The following CBL variants were observed in gnomAD, a reference collection of about 807,000 sequenced individuals.
The protein encoded by CBL is Cbl proto-oncogene.
In CBL, 45 loss-of-function variants were observed where a neutral mutation model predicts 96.9. The observed-to-expected ratio is 0.46, with a 90% CI of 0.37 to 0.60. The LOEUF (loss-of-function observed/expected upper bound fraction) is 0.60. CBL is among the 20% of genes least tolerant of loss of function. The pLI, the probability that CBL is intolerant of heterozygous loss-of-function variation, is 0.00. For synonymous variants in CBL, 420 were observed against 426.8 expected, an observed-to-expected ratio of 0.98 and a Z score of 0.20; for missense variants, 1,024 against 1,143.5, an observed-to-expected ratio of 0.90 and a Z score of 1.51.
intron 2 of CBL, among the ~76,000 whole-genome samples, chr11:119,234,106 A>G (rs937562562): frequency 6.6e-6 from 1 of 152,138 alleles, no homozygotes; most frequent in Non-Finnish European, 1.5e-5. Context: ...TCTTGGGTTC[A>G]AGTGATTCTT....
chr11:119,259,813 G>A (rs187469692), intron 2 of CBL, among the ~76,000 whole-genome samples: 4 of 152,262 alleles, frequency 2.6e-5, no homozygotes, highest in Non-Finnish European at 5.9e-5. Context: ...TTTGGGACAT[G>A]GATTGTATTT....
intron 2 of CBL, among the ~76,000 whole-genome samples, chr11:119,264,105 A>G (rs1949776356): frequency 6.6e-6 from 1 of 152,230 alleles, no homozygotes; most frequent in East Asian, 1.9e-4. Context: ...TTTGTTAATC[A>G]TTGTATTAAA....
At chr11:119,258,065 A>G (rs967450481) in intron 2 of CBL, among the ~76,000 whole-genome samples, 10 of 152,090 alleles carry the variant, frequency 6.6e-5, no homozygotes, top group Non-Finnish European at 1.5e-4. Flanking sequence ...CCTGTCTACC[A>G]AAAATATGAA....
At chr11:119,232,121 TCAG>T (rs1949507184) in intron 1 of CBL, among the ~76,000 whole-genome samples, 1 of 152,108 alleles carries the variant, frequency 6.6e-6, no homozygotes. Context: ...ATTGTGGGGA[TCAG>T]CAGTATATTT....
At chr11:119,227,746 C>G (rs1949469942) in intron 1 of CBL, among the ~76,000 whole-genome samples, 1 of 152,092 alleles carries the variant, frequency 6.6e-6, no homozygotes, top group Non-Finnish European at 1.5e-5. Context: ...GACAGGATTT[C>G]TCCATGTTGG....
At chr11:119,266,096 T>G (rs964125461) in intron 2 of CBL, among the ~76,000 whole-genome samples, 4 of 151,282 alleles carry the variant, frequency 2.6e-5, no homozygotes, top group Admixed American at 2.0e-4. Context: ...TTCAGGAGGC[T>G]GAGGTGAGAG....
chr11:119,236,724 C>A (rs1244704195), intron 2 of CBL, among the ~76,000 whole-genome samples: 1 of 151,666 alleles, frequency 6.6e-6, no homozygotes, highest in South Asian at 2.1e-4. Flanking sequence ...TTTCTTTCCC[C>A]TAGCAATGTA....
intron 2 of CBL, among the ~76,000 whole-genome samples, chr11:119,266,018 C>CAAAAAAAAAAAA (rs398017759): frequency 2.0e-4 from 15 of 75,966 alleles, no homozygotes; most frequent in East Asian, 5.0e-4. Flanking sequence ...GACTCCATCT[C>CAAAAAAAAAAAA]AAAAAAAAAA....
chr11:119,234,844 C>T (rs1949530612), intron 2 of CBL, among the ~76,000 whole-genome samples: 1 of 152,106 alleles, frequency 6.6e-6, no homozygotes. Context: ...GCATAGAGGA[C>T]TTGTAATTTG....
chr11:119,266,643 C>G (rs771652886), intron 2 of CBL, among the ~76,000 whole-genome samples: 39 of 151,960 alleles, frequency 2.6e-4, no homozygotes, highest in Non-Finnish European at 1.0e-4. Flanking sequence ...AAAAAAGATA[C>G]TGCATACAGA....
chr11:119,302,496 G>T lies in CBL; in HGVS notation c.*2715G>T, dbSNP rs1471501279. On this transcript the variant is annotated 3_prime_UTR_variant, in exon 16 of 16. Coordinates refer to ENST00000264033, the MANE Select transcript of CBL (RefSeq NM_005188.4). ...CAGACTTCGAGTTTTGCCATTTTGGGCAAGCCCTTCCGCTTGTCCCTTCCT... is the reference window on the plus strand; with the variant it reads ...CAGACTTCGAGTTTTGCCATTTTGGTCAAGCCCTTCCGCTTGTCCCTTCCT... 2 of 232,654 alleles carry T rather than the reference G, an allele frequency of 8.6e-6. No individual in the cohort carries two copies. Among genetic ancestry groups the T allele is most frequent in the Non-Finnish European group, 1.7e-5 (2 of 117,788 alleles). The allele number at this position is 232,654 out of a possible 1,614,324, so 14.4% of individuals were successfully genotyped here.
At chr11:119,288,683 C>T (rs760351454) in intron 12 of CBL, among the ~76,000 whole-genome samples, 14 of 152,150 alleles carry the variant, frequency 9.2e-5, no homozygotes, top group Non-Finnish European at 1.8e-4. Flanking sequence ...CGCACATGGT[C>T]GGGTCCCACC....
intron 12 of CBL, among the ~76,000 whole-genome samples, chr11:119,293,870 A>C: frequency 6.6e-6 from 1 of 152,210 alleles, no homozygotes; most frequent in East Asian, 1.9e-4. Context: ...GTGGTAACTA[A>C]GTTTCCAACA....
intron 2 of CBL, among the ~76,000 whole-genome samples, chr11:119,243,440 C>T (rs1949602272): frequency 6.6e-6 from 1 of 151,508 alleles, no homozygotes; most frequent in African/African-American, 2.4e-5. Context: ...GCATGAACCA[C>T]TGCGCCCAGC....
intron 11 of CBL, among the ~76,000 whole-genome samples, chr11:119,285,871 A>G (rs555926287): frequency 6.6e-5 from 10 of 151,880 alleles, no homozygotes; most frequent in Non-Finnish European, 1.0e-4. Context: ...ACTCCAGCCT[A>G]GGCAATAGAG....
chr11:119,296,326 G>A (rs1485082526), intron 12 of CBL, among the ~76,000 whole-genome samples: 4 of 152,126 alleles, frequency 2.6e-5, no homozygotes, highest in South Asian at 2.1e-4. Flanking sequence ...CATTTCATGC[G>A]GTGGCAGAAG....
In CBL at chr11:119,232,675, TGAG is replaced by T; in HGVS notation, c.427_429del (p.Glu143del). 1.2e-6 allele frequency: 2 copies of T among 1,613,670 alleles called. No individual in the cohort carries two copies. Among genetic ancestry groups the T allele is most frequent in the Non-Finnish European group, 1.7e-6 (2 of 1,179,904 alleles). ...TCAAGGAGGGAAAAGAAAGAATGTA[TGAG>T]GAGAATTCTCAGCCTAGGTAATGGA... is the stretch of plus-strand genomic sequence containing the variant. On this transcript the variant is annotated inframe_deletion, in exon 2 of 16. Transcript: ENST00000264033.
intron 2 of CBL, among the ~76,000 whole-genome samples, chr11:119,256,298 G>T (rs1052494265): frequency 1.4e-4 from 21 of 151,370 alleles, no homozygotes; most frequent in African/African-American, 4.9e-4. Context: ...AGTAATCCCA[G>T]CCTCCCGAGT....
chr11:119,287,709 G>A lies in CBL; in HGVS notation c.1942-143G>A, dbSNP rs974684691. The stretch of plus-strand genomic sequence containing the variant: ...CTTCGGAGCCTTAAGGCCCCTAAGC[G>A]TTTGGTCAGATGTGATAACCCCTGG... On this transcript the variant is annotated intron_variant, in intron 11 of 15. Transcript: ENST00000264033. 19 of 694,784 alleles carry A rather than the reference G, an allele frequency of 2.7e-5. No homozygotes were observed. The Middle Eastern group carries it at 8.2e-4, about 30-fold the overall frequency. 43.0% of individuals were successfully genotyped at this position (694,784 alleles called of 1,614,324 possible).
Sources: allele counts gnomAD v4.1 joint callset (sites outside exome capture counted in the v4.1 genomes callset), GRCh38; gene constraint gnomAD v4.1.1; transcripts MANE v1.5; gene names NCBI Gene and HGNC (gene_info 2026-07-23, HGNC 2026-07-21).